Variants in LGSN observed in about 807,000 individuals in gnomAD.
The protein encoded by LGSN is lengsin, lens protein with glutamine synthetase domain, also known as lengsin.
A neutral mutation model predicts 19.5 loss-of-function variants in LGSN; 21 were observed. The ratio of observed to expected loss-of-function variants is 1.07; its 90% CI spans 0.76 to 1.55. The LOEUF (loss-of-function observed/expected upper bound fraction) is 1.55, where lower values mean the gene tolerates loss of function less well. LGSN is among the 40% of genes most tolerant of loss of function. The probability of loss-of-function intolerance (pLI) is 0.00; values close to 1 mark genes in which losing one functional copy is unlikely to be tolerated. For missense variants in LGSN, 673 were observed against 608.5 expected (o/e 1.11, Z -1.12); for synonymous variants, 257 against 215.6 (o/e 1.19, Z -1.68).
the LGSN span, among the ~76,000 whole-genome samples, chr6:63,424,463 C>A: frequency 6.7e-6 from 1 of 149,384 alleles, no homozygotes. Flanking sequence ...AGGAACCCTT[C>A]CCAGTTTATT....
At chr6:63,340,626 AATG>A in the LGSN span, among the ~76,000 whole-genome samples, 1 of 141,828 alleles carries the variant, frequency 7.1e-6, no homozygotes, top group Non-Finnish European at 1.5e-5. Flanking sequence ...TTTTTTTTTT[AATG>A]ATATCTATCT....
chr6:63,309,913 A>G (rs1768555617), intron 1 of LGSN, among the ~76,000 whole-genome samples: 1 of 152,174 alleles, frequency 6.6e-6, no homozygotes, highest in African/African-American at 2.4e-5. Flanking sequence ...TACTACTGCC[A>G]TGTTATTTTT....
the LGSN span, among the ~76,000 whole-genome samples, chr6:63,485,975 C>T: frequency 6.6e-6 from 1 of 152,138 alleles, no homozygotes; most frequent in African/African-American, 2.4e-5. Context: ...GGTGATCCAC[C>T]TGTTTCAGCC....
At chr6:63,372,697 A>C in the LGSN span, among the ~76,000 whole-genome samples, 1 of 152,198 alleles carries the variant, frequency 6.6e-6, no homozygotes, top group African/African-American at 2.4e-5. Context: ...ATATCAGCAA[A>C]GTCCTTATCC....
At chr6:63,404,123 G>A in the LGSN span, among the ~76,000 whole-genome samples, 7 of 152,112 alleles carry the variant, frequency 4.6e-5, no homozygotes, top group Non-Finnish European at 1.0e-4. Context: ...TGCAGCCTAT[G>A]AGACCTTAAG....
chr6:63,305,575 C>T (rs1473716666), intron 1 of LGSN, among the ~76,000 whole-genome samples: 2 of 152,188 alleles, frequency 1.3e-5, no homozygotes, highest in Non-Finnish European at 1.5e-5. Flanking sequence ...CCAGCTGTAA[C>T]TAATTCAGCT....
the LGSN span, among the ~76,000 whole-genome samples, chr6:63,473,538 C>G: frequency 6.7e-6 from 1 of 149,776 alleles, no homozygotes; most frequent in African/African-American, 2.5e-5. Flanking sequence ...TAACCAATGT[C>G]TCAGCCACAC....
chr6:63,427,765 G>T, the LGSN span, among the ~76,000 whole-genome samples: 1 of 152,026 alleles, frequency 6.6e-6, no homozygotes, highest in African/African-American at 2.4e-5. Flanking sequence ...TGTGACCAGA[G>T]AACTATTATC....
At chr6:63,384,000 C>T in the LGSN span, among the ~76,000 whole-genome samples, 1 of 152,158 alleles carries the variant, frequency 6.6e-6, no homozygotes, top group East Asian at 1.9e-4. Flanking sequence ...TAAAAGGATC[C>T]TAGATGTCTG....
the LGSN span, among the ~76,000 whole-genome samples, chr6:63,412,547 AAAGAAAGAAAGAAAGAAAGAAAGG>A: frequency 5.7e-4 from 80 of 140,472 alleles, 2 homozygotes; most frequent in African/African-American, 2.2e-3. Context: ...AGAAAGAAAG[AAAGAAAGAAAGAAAGAAAGAAAGG>A]AAGGAAGGAA....
At chr6:63,524,084 T>G in the LGSN span, among the ~76,000 whole-genome samples, 10 of 152,204 alleles carry the variant, frequency 6.6e-5, no homozygotes, top group Middle Eastern at 3.4e-3. Context: ...CAGGTTCAAG[T>G]GATTCTCCCC....
chr6:63,418,539 G>A, the LGSN span, among the ~76,000 whole-genome samples: 2 of 152,104 alleles, frequency 1.3e-5, no homozygotes, highest in African/African-American at 4.8e-5. Context: ...CCAGCCTGGC[G>A]ACAGAGCGAG....
At chr6:63,551,078 T>C in the LGSN span, among the ~76,000 whole-genome samples, 1 of 152,182 alleles carries the variant, frequency 6.6e-6, no homozygotes, top group African/African-American at 2.4e-5. Context: ...TTGTTGCTGT[T>C]GTTTTGAGAT....
At chr6:63,549,996 T>G in the LGSN span, among the ~76,000 whole-genome samples, 2 of 152,190 alleles carry the variant, frequency 1.3e-5, no homozygotes, top group African/African-American at 4.8e-5. Context: ...ATGTTTGAGA[T>G]GAGGAACACA....
the LGSN span, among the ~76,000 whole-genome samples, chr6:63,504,570 G>A: frequency 3.3e-5 from 5 of 152,048 alleles, no homozygotes; most frequent in Admixed American, 3.3e-4. Flanking sequence ...AGCCTCCCGA[G>A]TAGCTGGGAT....
chr6:63,441,588 G>C, the LGSN span: 1 of 455,210 alleles, frequency 2.2e-6, no homozygotes. Context: ...GAAGTATGAG[G>C]CAAAGCAGCG....
chr6:63,464,667 A>G, the LGSN span, among the ~76,000 whole-genome samples: 1 of 151,984 alleles, frequency 6.6e-6, no homozygotes, highest in African/African-American at 2.4e-5. Context: ...AATGGTATGC[A>G]CACGATCATC....
chr6:63,515,590 A>C, the LGSN span, among the ~76,000 whole-genome samples: 1 of 152,216 alleles, frequency 6.6e-6, no homozygotes, highest in African/African-American at 2.4e-5. Flanking sequence ...TGTAAGCAAC[A>C]TAGCAATCTT....
At chr6:63,521,317 C>T in the LGSN span, among the ~76,000 whole-genome samples, 3 of 152,094 alleles carry the variant, frequency 2.0e-5, no homozygotes, top group East Asian at 1.9e-4. Context: ...TCTGGCTTGT[C>T]GTATTCTAGC....
Sources: allele counts gnomAD v4.1 joint callset (sites outside exome capture counted in the v4.1 genomes callset), GRCh38; gene constraint gnomAD v4.1.1; transcripts MANE v1.5; gene names NCBI Gene and HGNC (gene_info 2026-07-23, HGNC 2026-07-21).